HS2ST1: variants seen among roughly 807,000 people sequenced by gnomAD.
HS2ST1 encodes heparan sulfate 2-O-sulfotransferase 1.
Under a neutral mutation model 42.9 loss-of-function variants are expected in HS2ST1, and 18 were observed. The ratio of observed to expected loss-of-function variants is 0.42; its 90% confidence interval spans 0.29 to 0.62. The LOEUF is 0.62. Ranked by LOEUF, HS2ST1 falls within the 20% of genes least tolerant of loss-of-function variation. The pLI, the probability that HS2ST1 is intolerant of heterozygous loss-of-function variation, is 0.21. For missense variants in HS2ST1, 334 were observed against 433.8 expected (o/e 0.77, Z 2.04); for synonymous variants, 146 against 152.9 (o/e 0.95, Z 0.33).
intron 1 of HS2ST1, among the ~76,000 whole-genome samples, chr1:86,993,364 G>T (rs896635647): frequency 6.6e-6 from 1 of 152,166 alleles, no homozygotes; most frequent in Non-Finnish European, 1.5e-5. Context: ...GACTTTGGTG[G>T]GGCGGTGGGC....
In HS2ST1 at chr1:87,028,185, T is replaced by C. The variant is rs546070482; in HGVS notation, c.125-44749T>C. Among the ~76,000 whole-genome samples the C allele has an allele frequency of 1.9e-4, 29 of 152,292 alleles. 1 individual carries two copies. In the South Asian group the frequency reaches 3.9e-3, roughly 21 times the overall value. Reference sequence around the variant, plus strand: ...AATTTCACGTACACTACTAGACAAGTGATTTTCATGTCAGGAGAACTCCAA... The same window carrying C: ...AATTTCACGTACACTACTAGACAAGCGATTTTCATGTCAGGAGAACTCCAA... On this transcript the variant is annotated intron_variant, in intron 1 of 6. Transcript: ENST00000370550.
chr1:87,103,645 G>T (rs925411165), intron 6 of HS2ST1, 56 bp downstream of exon 6: 1 of 1,374,736 alleles, frequency 7.3e-7, no homozygotes, highest in Admixed American at 2.7e-5. Context: ...TTTTTGGTTT[G>T]CAACTTGTAA....
chr1:87,093,281 T>G (rs1269767080), intron 4 of HS2ST1, among the ~76,000 whole-genome samples: 1 of 152,120 alleles, frequency 6.6e-6, no homozygotes, highest in Non-Finnish European at 1.5e-5. Context: ...CTAGCTCTCC[T>G]GTCTGATTTT....
intron 1 of HS2ST1, among the ~76,000 whole-genome samples, chr1:87,025,087 A>G (rs1443335101): frequency 6.6e-6 from 1 of 152,222 alleles, no homozygotes; most frequent in African/African-American, 2.4e-5. Context: ...AGAATTGGTT[A>G]CATAGGTGTC....
intron 1 of HS2ST1, chr1:87,064,414 A>G (rs975898191): frequency 2.0e-6 from 1 of 509,636 alleles, no homozygotes; most frequent in Admixed American, 2.0e-5. Context: ...TGTACTCAGA[A>G]GGGGCAATAG....
In HS2ST1 at chr1:86,983,174, G is replaced by A. The variant is rs559589796; in HGVS notation, c.124+68014G>A. Among the ~76,000 whole-genome samples, 6 of 152,176 alleles carry A rather than the reference G, an allele frequency of 3.9e-5. No homozygotes were observed. In the East Asian group the frequency reaches 1.2e-3, roughly 29 times the overall value. ...TCCAACATCACTTCCACATTTTCAG[G>A]AAGCAAAAATGATTTCACTTTCACA... is the stretch of plus-strand genomic sequence containing the variant. On this transcript the variant is annotated intron_variant, in intron 1 of 6. Coordinates refer to ENST00000370550, the MANE Select transcript of HS2ST1 (RefSeq NM_012262.4).
chr1:87,017,444 T>C (rs960227893), intron 1 of HS2ST1, among the ~76,000 whole-genome samples: 1 of 152,178 alleles, frequency 6.6e-6, no homozygotes, highest in Non-Finnish European at 1.5e-5. Flanking sequence ...GCCTCTCTCT[T>C]TTTAAAATTA....
chr1:86,938,955 T>A (rs1395420446), intron 1 of HS2ST1, among the ~76,000 whole-genome samples: 1 of 152,230 alleles, frequency 6.6e-6, no homozygotes, highest in Non-Finnish European at 1.5e-5. Context: ...TTTGGTTTTC[T>A]ATATGGTCTT....
chr1:87,071,697 C>G (rs1052100527), intron 1 of HS2ST1, among the ~76,000 whole-genome samples: 1 of 149,092 alleles, frequency 6.7e-6, no homozygotes, highest in African/African-American at 2.5e-5. Context: ...CACTGTACTC[C>G]AGCCTGGGTG....
intron 1 of HS2ST1, among the ~76,000 whole-genome samples, chr1:87,039,389 G>A (rs1650466339): frequency 6.6e-6 from 1 of 152,166 alleles, no homozygotes; most frequent in African/African-American, 2.4e-5. Flanking sequence ...GCTTCCTGAT[G>A]TGCCTCTGCT....
intron 1 of HS2ST1, among the ~76,000 whole-genome samples, chr1:86,921,095 A>T (rs539915583): frequency 6.6e-6 from 1 of 152,348 alleles, no homozygotes; most frequent in East Asian, 1.9e-4. Context: ...TACAAATAAA[A>T]AAAAACTATC....
intron 5 of HS2ST1, among the ~76,000 whole-genome samples, chr1:87,100,200 A>AAATCTAGGTGGAATCTGC (rs1444749901): frequency 6.6e-6 from 1 of 152,114 alleles, no homozygotes; most frequent in Non-Finnish European, 1.5e-5. Context: ...CCCAGTTCTG[A>AAATCTAGGTGGAATCTGC]AATCTAGGTG....
intron 1 of HS2ST1, among the ~76,000 whole-genome samples, chr1:87,005,897 A>AT (rs1433391372): frequency 4.6e-5 from 7 of 152,172 alleles, no homozygotes; most frequent in Non-Finnish European, 1.5e-5. Context: ...GAAATGGAAG[A>AT]TTACGTTACT....
At chr1:87,051,106 G>A (rs1330022387) in intron 1 of HS2ST1, among the ~76,000 whole-genome samples, 1 of 142,754 alleles carries the variant, frequency 7.0e-6, no homozygotes, top group Non-Finnish European at 1.5e-5. Context: ...AAGCAAATTT[G>A]TGTGTCTGCT....
chr1:86,923,700 T>G (rs1660352256), intron 1 of HS2ST1, among the ~76,000 whole-genome samples: 2 of 152,156 alleles, frequency 1.3e-5, no homozygotes, highest in Non-Finnish European at 1.5e-5. Context: ...CTGGCGGGAA[T>G]GCCTCTTTTT....
intron 3 of HS2ST1, 111 bp downstream of exon 3, chr1:87,084,390 G>T: frequency 1.6e-6 from 1 of 634,794 alleles, no homozygotes; most frequent in Non-Finnish European, 2.7e-6. Flanking sequence ...GTACTGTCTT[G>T]CCTTTGCCAG....
chr1:87,006,059 C>A (rs899784389), intron 1 of HS2ST1, among the ~76,000 whole-genome samples: 1 of 151,854 alleles, frequency 6.6e-6, no homozygotes, highest in African/African-American at 2.4e-5. Flanking sequence ...CTTGTCTAAT[C>A]TGTTATGAAA....
chr1:87,094,581 C>T (rs528552619), intron 4 of HS2ST1, among the ~76,000 whole-genome samples: 1 of 152,130 alleles, frequency 6.6e-6, no homozygotes, highest in Non-Finnish European at 1.5e-5. Context: ...CACTCTAATT[C>T]CAGAGCCCAT....
At chr1:87,047,367 A>G (rs969537374) in intron 1 of HS2ST1, among the ~76,000 whole-genome samples, 3 of 19,944 alleles carry the variant, frequency 1.5e-4, no homozygotes, top group African/African-American at 4.2e-4. Context: ...ACATTTCACA[A>G]ATTTTTTTCC....
Sources: gnomAD v4.1 joint callset for allele counts (sites outside exome capture counted in the v4.1 genomes callset) on GRCh38, gnomAD v4.1.1 for gene constraint, MANE v1.5 for transcripts, NCBI Gene and HGNC (gene_info 2026-07-23, HGNC 2026-07-21) for gene names.